RAB28: variants seen among roughly 807,000 people sequenced by gnomAD.
RAB28 encodes the protein RAB28, member RAS oncogene family, also known as ras-related protein Rab-28.
A neutral mutation model predicts 31.7 loss-of-function variants in RAB28; 24 were observed. That is an observed-to-expected ratio of 0.76 (90% CI 0.55 to 1.06). RAB28 has a LOEUF of 1.06. Ranked by LOEUF, RAB28 falls within the 50% of genes least tolerant of loss-of-function variation. The pLI is 0.00. For missense variants in RAB28, 254 were observed against 258.5 expected (o/e 0.98, Z 0.12); for synonymous variants, 100 against 90.4 (o/e 1.11, Z -0.60).
At chr4:13,405,141 A>G (rs1255101788) in intron 4 of RAB28, among the ~76,000 whole-genome samples, 2 of 152,196 alleles carry the variant, frequency 1.3e-5, no homozygotes, top group African/African-American at 2.4e-5. Flanking sequence ...AAAATTTTCT[A>G]AATTGGGAGG....
intron 4 of RAB28, among the ~76,000 whole-genome samples, chr4:13,398,636 G>A (rs777945071): frequency 2.0e-5 from 3 of 152,024 alleles, no homozygotes; most frequent in Non-Finnish European, 2.9e-5. Context: ...AAATTAGCCG[G>A]GCATGATGGC....
At chr4:13,412,182 C>A (rs1231868569) in intron 4 of RAB28, among the ~76,000 whole-genome samples, 2 of 152,192 alleles carry the variant, frequency 1.3e-5, no homozygotes, top group South Asian at 2.1e-4. Context: ...TGGTTAAGAG[C>A]GTAAAAGCTA....
intron 3 of RAB28, among the ~76,000 whole-genome samples, chr4:13,462,367 T>C (rs11933841): frequency 0.094 from 14,304 of 152,204 alleles, 1,324 homozygotes; most frequent in African/African-American, 0.24. Context: ...TAAACAACCT[T>C]GAGAACACAG....
chr4:13,367,759 C>G lies in RAB28; in HGVS notation c.*799G>C, dbSNP rs1283210784. Reference sequence around the variant, plus strand: ...AAGTTTATTTGTGAAAGAAAAACATCTGAACATCAGGTACAGTCTGATCCA... The same window carrying G: ...AAGTTTATTTGTGAAAGAAAAACATGTGAACATCAGGTACAGTCTGATCCA... On this transcript the variant is annotated 3_prime_UTR_variant, in exon 7 of 7. Coordinates refer to ENST00000330852, the MANE Select transcript of RAB28 (RefSeq NM_001017979.3). 3.0e-6 allele frequency: 3 copies of G among 984,866 alleles called. No homozygotes were observed. The highest frequency in any genetic ancestry group is 3.6e-6 in the Non-Finnish European group (3 of 829,604). The allele number at this position is 984,866 out of a possible 1,614,324, so 61.0% of individuals were successfully genotyped here.
Position 13,484,244 on chromosome 4 carries a change from G to A in RAB28, c.-94C>T, listed in dbSNP as rs1245882983. The A allele has an allele frequency of 5.2e-6, 5 of 970,792 alleles. No homozygotes were observed. The highest frequency in any genetic ancestry group is 8.0e-6 in the Non-Finnish European group (5 of 622,992). The allele number at this position is 970,792 out of a possible 1,614,324, so 60.1% of individuals were successfully genotyped here. On this transcript the variant is annotated 5_prime_UTR_variant, in exon 1 of 7. Transcript: ENST00000330852. ...GGGGAGAGGAGGAAGGGAGGTAGTT[G>A]CGGCAGGACCCCCGCCCCGGTGTCT...
intron 4 of RAB28, among the ~76,000 whole-genome samples, chr4:13,444,855 C>T (rs57056437): frequency 0.061 from 9,216 of 151,952 alleles, 651 homozygotes; most frequent in African/African-American, 0.17. Flanking sequence ...ACCTCATGTG[C>T]CTTAGGGTTG....
intron 3 of RAB28, among the ~76,000 whole-genome samples, chr4:13,471,686 T>C (rs1716129225): frequency 6.6e-6 from 1 of 151,944 alleles, no homozygotes; most frequent in Non-Finnish European, 1.5e-5. Flanking sequence ...TGACAATTCA[T>C]TTCATCATCT....
In RAB28 at chr4:13,382,693, A is replaced by ATT. The variant is rs35120402; in HGVS notation, c.392-1101_392-1100dup. Among the ~76,000 whole-genome samples, 274 of 73,896 alleles carry ATT rather than the reference A, an allele frequency of 3.7e-3. 2 individuals are homozygous for ATT. The highest frequency in any genetic ancestry group is 4.9e-3 in the Non-Finnish European group (181 of 37,082). 48.5% of individuals were successfully genotyped at this position (73,896 alleles called of 152,430 possible). On this transcript the variant is annotated intron_variant, in intron 4 of 6. Coordinates refer to ENST00000330852, the MANE Select transcript of RAB28 (RefSeq NM_001017979.3). ...TATTGCTTACCTTGGAAAATATGGA[A>ATT]TTTTTTTTTTTTTTTTTTTTTTTGA...
At chr4:13,388,234 C>CT (rs2108888056) in intron 4 of RAB28, among the ~76,000 whole-genome samples, 1 of 152,060 alleles carries the variant, frequency 6.6e-6, no homozygotes, top group Non-Finnish European at 1.5e-5. Flanking sequence ...GCCAAATGAT[C>CT]TTCTATAAGG....
At chr4:13,444,156 T>C (rs1040277112) in intron 4 of RAB28, among the ~76,000 whole-genome samples, 2 of 151,622 alleles carry the variant, frequency 1.3e-5, no homozygotes, top group Non-Finnish European at 2.9e-5. Context: ...GCCTCCCGAG[T>C]AGCTGGGACT....
intron 1 of RAB28, among the ~76,000 whole-genome samples, chr4:13,481,752 T>A (rs1716616567): frequency 6.6e-6 from 1 of 152,118 alleles, no homozygotes. Flanking sequence ...GGAGAAACTG[T>A]TAGTCATCAT....
chr4:13,479,313 T>C lies in RAB28; in HGVS notation c.172+117A>G, dbSNP rs993932652. 1.2e-5 allele frequency: 8 copies of C among 664,880 alleles called. No homozygotes were observed. In the Admixed American group the frequency reaches 2.4e-4, roughly 20 times the overall value. The allele number at this position is 664,880 out of a possible 1,614,324, so 41.2% of individuals were successfully genotyped here. The stretch of plus-strand genomic sequence containing the variant: ...GTTAACATCCCTAAGATAAATTTAC[T>C]GTTTATATACATCTTCATGTAGAAG... On this transcript the variant is annotated intron_variant, in intron 2 of 6. Transcript: ENST00000330852.
rs201180086 is a variant in RAB28, at chr4:13,369,873, G to A, written c.574-1223C>T. 1,701 of 1,604,714 alleles carry A rather than the reference G, an allele frequency of 1.1e-3. 2 individuals are homozygous for A. The highest frequency in any genetic ancestry group is 1.4e-3 in the Non-Finnish European group (1,637 of 1,175,820). On this transcript the variant is annotated intron_variant, in intron 6 of 6. Transcript: ENST00000330852. ...TGTAATAATTTATCACTTAATACCT[G>A]CACTACTGTACTGAACAGATTCTAC...
At chr4:13,479,613 A>G (rs1716518909) in intron 1 of RAB28, 87 bp from the exon 2 acceptor site, 4 of 877,768 alleles carry the variant, frequency 4.6e-6, no homozygotes, top group Admixed American at 2.2e-5. Context: ...CAATCTTAAC[A>G]TGTATATTGC....
At chr4:13,387,193 T>C (rs911174830) in intron 4 of RAB28, among the ~76,000 whole-genome samples, 2 of 152,118 alleles carry the variant, frequency 1.3e-5, no homozygotes, top group African/African-American at 4.8e-5. Flanking sequence ...CAAACTCTCA[T>C]GACACAAGTG....
At chr4:13,417,330 G>A (rs765108639) in intron 4 of RAB28, among the ~76,000 whole-genome samples, 7 of 152,220 alleles carry the variant, frequency 4.6e-5, no homozygotes, top group Non-Finnish European at 1.0e-4. Context: ...TGAACAGAAG[G>A]CAGCAGAAAC....
chr4:13,473,962 C>T (rs755258360), intron 3 of RAB28: 16 of 363,988 alleles, frequency 4.4e-5, no homozygotes, highest in Non-Finnish European at 8.5e-5. Flanking sequence ...GTTAAATTTT[C>T]ATCCCTGTGT....
intron 4 of RAB28, among the ~76,000 whole-genome samples, chr4:13,421,424 T>TA (rs889551866): frequency 1.3e-5 from 2 of 151,834 alleles, no homozygotes; most frequent in Admixed American, 6.6e-5. Flanking sequence ...TCATATGGAA[T>TA]AAAAAAAGAG....
chr4:13,400,577 T>A (rs1413808223), intron 4 of RAB28, among the ~76,000 whole-genome samples: 1 of 152,166 alleles, frequency 6.6e-6, no homozygotes, highest in Non-Finnish European at 1.5e-5. Context: ...TTATAATAGC[T>A]AGGACCTTAA....
Sources: gnomAD v4.1 joint callset for allele counts (sites outside exome capture counted in the v4.1 genomes callset) on GRCh38, gnomAD v4.1.1 for gene constraint, MANE v1.5 for transcripts, NCBI Gene and HGNC (gene_info 2026-07-23, HGNC 2026-07-21) for gene names.